CLVS1: variants seen among roughly 807,000 people sequenced by gnomAD.
CLVS1 encodes the protein clavesin-1.
In CLVS1, 10 loss-of-function variants were observed where a neutral mutation model predicts 33.1. The ratio of observed to expected loss-of-function variants is 0.30; its 90% CI spans 0.19 to 0.51. CLVS1 has a LOEUF of 0.51. CLVS1 is among the 20% of genes least tolerant of loss of function. The pLI is 0.97. For missense variants in CLVS1, 343 were observed against 433.4 expected (o/e 0.79, Z 1.85); for synonymous variants, 163 against 166.1 (o/e 0.98, Z 0.14).
At chr8:61,456,897 A>G (rs3101191) in intron 4 of CLVS1, among the ~76,000 whole-genome samples, 137,320 of 147,078 alleles carry the variant, frequency 0.93, 64,179 homozygotes, top group African/African-American at 0.96. Flanking sequence ...CAGCTTGGGC[A>G]ACAGAGCAAG....
intron 1 of CLVS1, 139 bp downstream of exon 1, chr8:61,288,277 C>G (rs771644464): frequency 8.8e-6 from 4 of 456,300 alleles, no homozygotes; most frequent in South Asian, 4.6e-5. Context: ...GCACTCCATC[C>G]CTCCCGCACC....
the CLVS1 span, among the ~76,000 whole-genome samples, chr8:60,973,186 A>G: frequency 6.6e-6 from 1 of 152,210 alleles, no homozygotes; most frequent in Non-Finnish European, 1.5e-5. Flanking sequence ...TCTTTAGAAA[A>G]ATCTAAGCTG....
At chr8:61,263,889 C>A (rs1410258786) in intron 2 of CLVS1, among the ~76,000 whole-genome samples, 2 of 152,148 alleles carry the variant, frequency 1.3e-5, no homozygotes, top group Admixed American at 6.5e-5. Flanking sequence ...TAAACTGCAA[C>A]GTGTTCCTTT....
intron 1 of CLVS1, among the ~76,000 whole-genome samples, chr8:61,066,813 T>C (rs577441098): frequency 6.6e-6 from 1 of 152,374 alleles, no homozygotes; most frequent in South Asian, 2.1e-4. Context: ...CAGTGGTATC[T>C]GTGTGTTGTT....
At chr8:61,146,168 GGA>G (rs1806410829) in intron 2 of CLVS1, among the ~76,000 whole-genome samples, 1 of 151,742 alleles carries the variant, frequency 6.6e-6, no homozygotes. Context: ...TGGCTTCACA[GGA>G]AAAAAAAATT....
rs184217165 is a variant in CLVS1, at chr8:61,238,207, T to C, written c.-151-61470T>C. 2.6e-5 allele frequency among the ~76,000 whole-genome samples: 4 copies of C among 152,296 alleles called. No individual in the cohort carries two copies. In the East Asian group the frequency reaches 5.8e-4, roughly 22 times the overall value. ...TAAAAAGAGAAACAAAAATTACCTA[T>C]AATTCTAACACTCAGGACCTTCGGC... is the stretch of plus-strand genomic sequence containing the variant. On this transcript the variant is annotated intron_variant, in intron 2 of 2. Transcript: ENST00000522621.
At chr8:60,989,108 C>T in the CLVS1 span, among the ~76,000 whole-genome samples, 1 of 152,174 alleles carries the variant, frequency 6.6e-6, no homozygotes, top group Admixed American at 6.5e-5. Context: ...CTCAAATGAT[C>T]CTCCTGCTTT....
At chr8:61,241,897 G>A (rs954216189) in intron 2 of CLVS1, among the ~76,000 whole-genome samples, 17 of 151,950 alleles carry the variant, frequency 1.1e-4, no homozygotes, top group Non-Finnish European at 2.4e-4. Context: ...CATTCCTGAA[G>A]GATATTTTCA....
rs113004222 is a variant in CLVS1 at position 61,278,196 on chromosome 8, G to A, written c.-151-21481G>A. Among the ~76,000 whole-genome samples the A allele has an allele frequency of 9.9e-3, 1,504 of 152,282 alleles. 30 individuals are homozygous for A. The highest frequency in any genetic ancestry group is 0.034 in the African/African-American group (1,395 of 41,548). On this transcript the variant is annotated intron_variant, in intron 2 of 2. Transcript: ENST00000522621. ...AGCTCAACAGTCCTTCATATTTCAGGAAGGTATATTCTGATCTCCCACAAT... is the reference window on the plus strand; with the variant it reads ...AGCTCAACAGTCCTTCATATTTCAGAAAGGTATATTCTGATCTCCCACAAT...
intron 1 of CLVS1, among the ~76,000 whole-genome samples, chr8:61,114,168 GTTTC>G (rs1422450965): frequency 6.6e-6 from 1 of 152,186 alleles, no homozygotes; most frequent in Non-Finnish European, 1.5e-5. Flanking sequence ...TTCTTCTTGT[GTTTC>G]TTTCAATCAT....
intron 1 of CLVS1, among the ~76,000 whole-genome samples, chr8:61,109,475 T>A (rs1169031440): frequency 6.6e-6 from 1 of 152,108 alleles, no homozygotes; most frequent in Non-Finnish European, 1.5e-5. Flanking sequence ...ATAGAATATA[T>A]AATAACATAA....
chr8:61,260,885 C>G (rs1809189311), intron 2 of CLVS1, among the ~76,000 whole-genome samples: 2 of 152,130 alleles, frequency 1.3e-5, no homozygotes, highest in African/African-American at 4.8e-5. Context: ...AGAATGCAGA[C>G]ACAGAAACAC....
intron 2 of CLVS1, among the ~76,000 whole-genome samples, chr8:61,243,259 C>A (rs1007765097): frequency 7.2e-5 from 11 of 152,082 alleles, no homozygotes; most frequent in African/African-American, 2.7e-4. Flanking sequence ...TTATAAGATA[C>A]ATATATACAG....
chr8:61,450,544 T>C (rs1816914335), intron 3 of CLVS1, among the ~76,000 whole-genome samples: 1 of 152,200 alleles, frequency 6.6e-6, no homozygotes, highest in South Asian at 2.1e-4. Flanking sequence ...CTGTTCGTCA[T>C]GTAGTAGATA....
At chr8:61,375,875 G>A (rs530711273) in intron 2 of CLVS1, among the ~76,000 whole-genome samples, 119 of 152,232 alleles carry the variant, frequency 7.8e-4, no homozygotes, top group Non-Finnish European at 1.4e-3. Flanking sequence ...CAAAAATCAC[G>A]TGGCAAATGG....
intron 2 of CLVS1, among the ~76,000 whole-genome samples, chr8:61,164,401 G>C (rs1194405853): frequency 6.6e-6 from 1 of 152,174 alleles, no homozygotes; most frequent in Non-Finnish European, 1.5e-5. Flanking sequence ...CTTAAAGCTG[G>C]GCTGGCAAGC....
In CLVS1 at chr8:61,159,048, T is replaced by C. The variant is rs550649503; in HGVS notation, c.-152+27188T>C. ...CATGCTATAATTAAAAACACTTTTT[T>C]TTTGGTAGAGATGGGGGTGTCACTT... On this transcript the variant is annotated intron_variant, in intron 2 of 2. Transcript: ENST00000522621. Among the ~76,000 whole-genome samples the C allele has an allele frequency of 1.1e-3, 175 of 152,260 alleles. 2 individuals carry two copies. The highest frequency in any genetic ancestry group is 4.1e-3 in the African/African-American group (170 of 41,546).
intron 2 of CLVS1, among the ~76,000 whole-genome samples, chr8:61,177,963 C>A (rs1807150937): frequency 6.6e-6 from 1 of 152,078 alleles, no homozygotes; most frequent in Non-Finnish European, 1.5e-5. Context: ...TACACCTCTC[C>A]AGTAAGGGTG....
At chr8:61,027,110 C>T in the CLVS1 span, among the ~76,000 whole-genome samples, 12 of 152,082 alleles carry the variant, frequency 7.9e-5, no homozygotes, top group Admixed American at 7.2e-4. Context: ...CATATGATTA[C>T]CATCATCTCA....
Sources: allele counts gnomAD v4.1 joint callset (sites outside exome capture counted in the v4.1 genomes callset), GRCh38; gene constraint gnomAD v4.1.1; transcripts MANE v1.5; gene names NCBI Gene and HGNC (gene_info 2026-07-23, HGNC 2026-07-21).